LRP6: variants seen among roughly 807,000 people sequenced by gnomAD.
The protein encoded by LRP6 is LDL receptor related protein 6.
Under a neutral mutation model 184.1 loss-of-function variants are expected in LRP6, and 43 were observed. The observed-to-expected ratio is 0.23, with a 90% CI of 0.18 to 0.30. LRP6 has a LOEUF of 0.30. Ranked by LOEUF, LRP6 falls within the 10% of genes least tolerant of loss-of-function variation. LRP6 has a pLI of 1.00. For synonymous variants in LRP6, 719 were observed against 684.9 expected (o/e 1.05, Z -0.78); for missense variants, 1,571 against 2,005.3 (o/e 0.78, Z 4.14).
At chr12:12,191,028 G>A (rs1565624981) in intron 3 of LRP6, among the ~76,000 whole-genome samples, 2 of 152,118 alleles carry the variant, frequency 1.3e-5, no homozygotes, top group East Asian at 3.8e-4. Flanking sequence ...CACCTCTGCA[G>A]GATATGAGAA....
At chr12:12,130,189 CTTT>C (rs71435892) in intron 19 of LRP6, among the ~76,000 whole-genome samples, 8 of 139,128 alleles carry the variant, frequency 5.8e-5, no homozygotes, top group Admixed American at 1.4e-4. Flanking sequence ...GAATTCTTTT[CTTT>C]TTTTTTTTTT....
chr12:12,176,193 G>C (rs1308443369), intron 7 of LRP6, among the ~76,000 whole-genome samples: 1 of 152,144 alleles, frequency 6.6e-6, no homozygotes, highest in Non-Finnish European at 1.5e-5. Context: ...CAACAATATA[G>C]TAAAAATCAG....
In LRP6 at chr12:12,162,139, G is replaced by A; in HGVS notation, c.2279+54C>T. ...AGAATATCATCTGTAACTATGCCAT[G>A]TTCCCCGAAATGTACACTGCAGTTG... is the stretch of plus-strand genomic sequence containing the variant. On this transcript the variant is annotated intron_variant, in intron 10 of 22. Coordinates refer to ENST00000261349, the MANE Select transcript of LRP6 (RefSeq NM_002336.3). The A allele has an allele frequency of 5.2e-6, 7 of 1,342,410 alleles. 1 individual carries two copies. The highest frequency in any genetic ancestry group is 4.7e-5 in the South Asian group (4 of 85,554). The allele number at this position is 1,342,410 out of a possible 1,614,324, so 83.2% of individuals were successfully genotyped here. A position where few individuals can be genotyped will look rare whatever the true frequency, so the allele number is the denominator to read the frequency against.
At chr12:12,180,240 C>CTTTTTT (rs35341305) in intron 6 of LRP6, among the ~76,000 whole-genome samples, 3 of 126,102 alleles carry the variant, frequency 2.4e-5, no homozygotes, top group East Asian at 2.3e-4. Context: ...AGTTTTACTT[C>CTTTTTT]TTTTTTTTTT....
chr12:12,214,254 CAAGAAA>C (rs1013022149), intron 2 of LRP6, among the ~76,000 whole-genome samples: 3 of 152,116 alleles, frequency 2.0e-5, no homozygotes, highest in East Asian at 1.9e-4. Flanking sequence ...ATTTACTCAA[CAAGAAA>C]AAGGAAATTT....
intron 21 of LRP6, 116 bp downstream of exon 21, chr12:12,125,180 A>C: frequency 1.6e-6 from 2 of 1,279,760 alleles, no homozygotes; most frequent in Non-Finnish European, 2.3e-6. Flanking sequence ...TTTTATGCCT[A>C]AATTTTACAT....
chr12:12,150,549 AATGTAAGGAAAAAGACTTCAT>A (rs141740188), intron 13 of LRP6, among the ~76,000 whole-genome samples: 118 of 152,328 alleles, frequency 7.7e-4, no homozygotes, highest in African/African-American at 2.8e-3. Flanking sequence ...ATACAATAGA[AATGTAAGGAAAAAGACTTCAT>A]AAAGAAACGT....
At chr12:12,186,420 C>G (rs1213666122) in intron 4 of LRP6, among the ~76,000 whole-genome samples, 1 of 152,114 alleles carries the variant, frequency 6.6e-6, no homozygotes, top group Non-Finnish European at 1.5e-5. Context: ...GCTCTGTTGC[C>G]CAGGCTGGAG....
Position 12,181,406 on chromosome 12 carries a change from G to T in LRP6, c.1010C>A (p.Thr337Lys). 7.0e-7 allele frequency: 1 copy of T among 1,432,404 alleles called. No homozygotes were observed. 88.7% of individuals were successfully genotyped at this position (1,432,404 alleles called of 1,614,324 possible). The change falls in exon 6 of 23, where the codon ACA becomes AAA. Residue 337 changes from threonine to lysine, a missense_variant. Transcript: ENST00000261349. ...ATCCAAAGAAATGCGTCTCAAGTCTGTCCTTCGAGCTAAAAGCAATAATTC... is the reference window on the plus strand; with the variant it reads ...ATCCAAAGAAATGCGTCTCAAGTCTTTCCTTCGAGCTAAAAGCAATAATTC... ...ATELLLLARR[T>K]DLRRISLDTP...
Position 12,184,097 on chromosome 12 carries a change from C to T in LRP6, c.859G>A (p.Gly287Arg), listed in dbSNP as rs1470562373. 4 of 1,613,510 alleles carry T rather than the reference C, an allele frequency of 2.5e-6. No individual in the cohort carries two copies. Among genetic ancestry groups the T allele is most frequent in the African/African-American group, 1.3e-5 (1 of 75,012 alleles). ...QRQPNATNPC[G>R]IDNGGCSHLC... Reference sequence around the variant, plus strand: ...TGGGAACAACCCCCATTGTCAATTCCACATGGATTTGTGGCTGTCAAATAT... The same window carrying T: ...TGGGAACAACCCCCATTGTCAATTCTACATGGATTTGTGGCTGTCAAATAT... Residue 287 changes from glycine to arginine, a missense_variant, in exon 5 of 23, where the codon GGA becomes AGA. Physicochemically the swap from Gly to Arg is moderately radical, Grantham distance 125. This residue lies in a region of LRP6 where 640 missense variants were observed against 851.9 expected (regional missense o/e 0.75). Transcript: ENST00000261349.
chr12:12,196,146 T>C (rs539434219), intron 3 of LRP6, among the ~76,000 whole-genome samples: 1 of 152,308 alleles, frequency 6.6e-6, no homozygotes, highest in East Asian at 1.9e-4. Context: ...TTTGTTCTTT[T>C]TGCTCAGGAT....
intron 2 of LRP6, among the ~76,000 whole-genome samples, chr12:12,207,730 A>G (rs1707930510): frequency 6.6e-6 from 1 of 152,126 alleles, no homozygotes; most frequent in Admixed American, 6.5e-5. Context: ...GTGTAACGCT[A>G]CACCAGAAAG....
intron 2 of LRP6, among the ~76,000 whole-genome samples, chr12:12,217,413 T>C (rs1030844543): frequency 5.3e-5 from 8 of 152,182 alleles, no homozygotes; most frequent in Non-Finnish European, 1.2e-4. Flanking sequence ...GTGAGTTATA[T>C]AATTATTTCA....
chr12:12,266,615 G>T, intron 1 of LRP6, 66 bp downstream of exon 1: 9 of 1,152,880 alleles, frequency 7.8e-6, no homozygotes, highest in South Asian at 1.3e-5. Flanking sequence ...CCTCCCCCTA[G>T]ACACATACAA....
chr12:12,125,343 C>T lies in LRP6; in HGVS notation c.4402G>A (p.Ala1468Thr), dbSNP rs769406679. ...GTGCTTGAAGAACTACTTGATGATG[C>T]TCCTGTAACATGGGCTCGGTCATAG... ...PPYDRAHVTG[A>T]SSSSSSSTKG... Residue 1468 changes from alanine to threonine, a missense_variant, in exon 21 of 23, where the codon GCA becomes ACA. By Grantham distance (58) the Ala-to-Thr change is moderately conservative (BLOSUM62 0). Transcript: ENST00000261349. The T allele has an allele frequency of 8.7e-6, 14 of 1,614,080 alleles. No individual in the cohort carries two copies. In the East Asian group the frequency reaches 1.3e-4, roughly 15 times the overall value.
In LRP6 at chr12:12,151,055, GA is replaced by G. The variant is rs765645475; in HGVS notation, c.2792-18del. Reference sequence around the variant, plus strand: ...TCGTAGGAGCTTAAAAGGAAGAAAAGAGAAAATCTGAAATCTAGTTACCCTA... The same window carrying G: ...TCGTAGGAGCTTAAAAGGAAGAAAAGGAAAATCTGAAATCTAGTTACCCTA... On this transcript the variant is annotated intron_variant, in intron 12 of 22. Transcript: ENST00000261349. The G allele has an allele frequency of 1.5e-5, 24 of 1,601,230 alleles. No homozygotes were observed. The highest frequency in any genetic ancestry group is 2.0e-5 in the Non-Finnish European group (23 of 1,170,368).
rs1411042297 is a variant in LRP6, at chr12:12,119,988, A to AAACAAACAAAC, written c.*1137_*1138insGTTTGTTTGTT. The AAACAAACAAAC allele has an allele frequency of 2.6e-4, 25 of 97,044 alleles. 1 individual carries two copies. The highest frequency in any genetic ancestry group is 1.1e-3 in the Admixed American group (9 of 8,206). The allele number at this position is 97,044 out of a possible 1,614,324, so 6.0% of individuals were successfully genotyped here. ...TTACTCAGAAAACAAACAAACAAAC[A>AAACAAACAAAC]AAATATATATATATATATATATATA... On this transcript the variant is annotated 3_prime_UTR_variant, in exon 23 of 23. Transcript: ENST00000261349.
intron 3 of LRP6, among the ~76,000 whole-genome samples, chr12:12,199,964 C>CAAAAAAA (rs146224493): frequency 1.5e-4 from 7 of 45,202 alleles, no homozygotes; most frequent in African/African-American, 5.8e-4. Context: ...GACTCCATCT[C>CAAAAAAA]AAAAAAAAAA....
chr12:12,205,325 C>CAAAAAAAAA lies in LRP6; in HGVS notation c.450-1926_450-1925insTTTTTTTTT, dbSNP rs1334062234. 1.8e-3 allele frequency among the ~76,000 whole-genome samples: 46 copies of CAAAAAAAAA among 26,220 alleles called. 4 individuals carry two copies. Among genetic ancestry groups the CAAAAAAAAA allele is most frequent in the African/African-American group, 4.3e-3 (45 of 10,456 alleles). 17.2% of individuals were successfully genotyped at this position (26,220 alleles called of 152,430 possible). ...CAACAGAATAAGACTCTGTCTCAAA[C>CAAAAAAAAA]AAACAAAAAAAAAAAAAAAAAAAAA... is the stretch of plus-strand genomic sequence containing the variant. On this transcript the variant is annotated intron_variant, in intron 2 of 22. Transcript: ENST00000261349.
Sources: gnomAD v4.1 joint callset for allele counts (sites outside exome capture counted in the v4.1 genomes callset) on GRCh38, gnomAD v4.1.1 for gene constraint, gnomAD v4.1.1 regional missense constraint, MANE v1.5 for transcripts, NCBI Gene and HGNC (gene_info 2026-07-23, HGNC 2026-07-21) for gene names.